The following UBE2R2 variants were observed in gnomAD, a reference collection of about 807,000 sequenced individuals.
UBE2R2 encodes the protein ubiquitin-conjugating enzyme E2 R2.
Under a neutral mutation model 27.8 loss-of-function variants are expected in UBE2R2, and 1 was observed. The observed-to-expected ratio is 0.04, with a 90% CI of 0.01 to 0.17. The LOEUF (loss-of-function observed/expected upper bound fraction) is 0.17, where lower values mean the gene tolerates loss of function less well. Ranked by LOEUF, UBE2R2 falls within the 10% of genes least tolerant of loss-of-function variation. The probability of loss-of-function intolerance (pLI) is 1.00; values close to 1 mark genes in which losing one functional copy is unlikely to be tolerated. For synonymous variants in UBE2R2, 106 were observed against 113.3 expected, an observed-to-expected ratio of 0.94 and a Z score of 0.41; for missense variants, 100 against 291.0, an observed-to-expected ratio of 0.34 and a Z score of 4.78.
At chr9:33,824,261 G>A (rs1004347451) in intron 1 of UBE2R2, among the ~76,000 whole-genome samples, 1 of 152,066 alleles carries the variant, frequency 6.6e-6, no homozygotes. Flanking sequence ...GGAGGCCGAG[G>A]CGGGTGGATC....
rs148011413 is a variant in UBE2R2 at position 33,908,137 on chromosome 9, TAAATTC to T, written c.363-3818_363-3813del. Among the ~76,000 whole-genome samples, 541 of 152,338 alleles carry T rather than the reference TAAATTC, an allele frequency of 3.6e-3. 1 individual carries two copies. Among genetic ancestry groups the T allele is most frequent in the African/African-American group, 0.012 (505 of 41,574 alleles). The stretch of plus-strand genomic sequence containing the variant: ...ACCGCACCCCGCCTGAAATAGTTCT[TAAATTC>T]AAATTCAATTTTGTGTATTCCAACA... On this transcript the variant is annotated intron_variant, in intron 3 of 4. Transcript: ENST00000263228.
chr9:33,837,420 C>CTTTT (rs374681097), intron 1 of UBE2R2, among the ~76,000 whole-genome samples: 1 of 126,662 alleles, frequency 7.9e-6, no homozygotes, highest in Non-Finnish European at 1.6e-5. Context: ...GCTGCTGCTT[C>CTTTT]TTTTTTTTTT....
chr9:33,871,766 A>G (rs1443093631), intron 1 of UBE2R2, among the ~76,000 whole-genome samples: 2 of 152,164 alleles, frequency 1.3e-5, no homozygotes, highest in African/African-American at 4.8e-5. Flanking sequence ...GCTGGAGTAC[A>G]GTGGCGTGAT....
At chr9:33,848,547 A>G (rs1446312927) in intron 1 of UBE2R2, among the ~76,000 whole-genome samples, 2 of 152,164 alleles carry the variant, frequency 1.3e-5, no homozygotes, top group Non-Finnish European at 2.9e-5. Context: ...CTCAGTTTCA[A>G]AAGACTACAG....
chr9:33,830,634 G>A (rs1050620387), intron 1 of UBE2R2, among the ~76,000 whole-genome samples: 1 of 151,692 alleles, frequency 6.6e-6, no homozygotes, highest in Non-Finnish European at 1.5e-5. Flanking sequence ...CTGTCGTGGT[G>A]TTGTGCGCCT....
chr9:33,835,250 G>T (rs971116073), intron 1 of UBE2R2, among the ~76,000 whole-genome samples: 3 of 147,828 alleles, frequency 2.0e-5, no homozygotes, highest in Non-Finnish European at 4.5e-5. Flanking sequence ...AGGTTCAAGT[G>T]ATTCTCTTGT....
chr9:33,864,812 C>T (rs1471081469), intron 1 of UBE2R2, among the ~76,000 whole-genome samples: 2 of 151,630 alleles, frequency 1.3e-5, no homozygotes, highest in Non-Finnish European at 2.9e-5. Flanking sequence ...GCAACCTCCG[C>T]CTCCTGGGTT....
Position 33,920,156 on chromosome 9 carries a change from A to G in UBE2R2, c.*2919A>G, listed in dbSNP as rs1351524840. ...CCCTCCCATCCTGATAAAACAAACA[A>G]GGTTTACATTTACAACTAAAAGGAT... On this transcript the variant is annotated 3_prime_UTR_variant, in exon 5 of 5. Coordinates refer to ENST00000263228, the MANE Select transcript of UBE2R2 (RefSeq NM_017811.4). 1 of 152,262 alleles carries G rather than the reference A, an allele frequency of 6.6e-6. No individual in the cohort carries two copies. The allele number at this position is 152,262 out of a possible 1,614,324, so 9.4% of individuals were successfully genotyped here. A position where few individuals can be genotyped will look rare whatever the true frequency, so the allele number is the denominator to read the frequency against.
intron 1 of UBE2R2, among the ~76,000 whole-genome samples, chr9:33,827,980 AT>A (rs1293309299): frequency 2.6e-5 from 4 of 151,480 alleles, no homozygotes; most frequent in African/African-American, 9.7e-5. Flanking sequence ...CAAAAAAAAA[AT>A]AAATACAAAT....
intron 1 of UBE2R2, among the ~76,000 whole-genome samples, chr9:33,834,970 A>C (rs1820584675): frequency 6.6e-6 from 1 of 151,966 alleles, no homozygotes; most frequent in South Asian, 2.1e-4. Flanking sequence ...CAAATAGAAA[A>C]AGAGAGAAAT....
chr9:33,886,811 A>T, intron 1 of UBE2R2, 70 bp from the exon 2 acceptor site: 1 of 1,283,910 alleles, frequency 7.8e-7, no homozygotes, highest in Non-Finnish European at 1.1e-6. Context: ...GGCGTGTAGT[A>T]GGGTGAATTA....
intron 1 of UBE2R2, among the ~76,000 whole-genome samples, chr9:33,869,977 G>A (rs1315298068): frequency 6.6e-6 from 1 of 151,906 alleles, no homozygotes; most frequent in Non-Finnish European, 1.5e-5. Flanking sequence ...CTCCTGAGTA[G>A]CTGGGATTAC....
At chr9:33,888,101 T>A (rs977380100) in intron 2 of UBE2R2, among the ~76,000 whole-genome samples, 9 of 152,234 alleles carry the variant, frequency 5.9e-5, no homozygotes, top group Non-Finnish European at 1.3e-4. Context: ...TTTCTATTTT[T>A]AAAAATTTGT....
chr9:33,895,249 G>C (rs961034674), intron 2 of UBE2R2, among the ~76,000 whole-genome samples: 1 of 152,162 alleles, frequency 6.6e-6, no homozygotes, highest in Non-Finnish European at 1.5e-5. Flanking sequence ...TAGGAGTTCA[G>C]TTGCATTTTT....
At chr9:33,818,064 C>T (rs1227068953) in intron 1 of UBE2R2, 130 bp downstream of exon 1, 2 of 1,063,382 alleles carry the variant, frequency 1.9e-6, no homozygotes, top group Non-Finnish European at 2.6e-6. Context: ...CGTGCAGCCC[C>T]CTCCCCCATC....
At chr9:33,904,712 G>A (rs191732946) in intron 3 of UBE2R2, among the ~76,000 whole-genome samples, 2 of 152,276 alleles carry the variant, frequency 1.3e-5, no homozygotes, top group African/African-American at 4.8e-5. Flanking sequence ...TTCACTAAAG[G>A]CTCGGTAGCT....
At chr9:33,829,643 A>G (rs1799000051) in intron 1 of UBE2R2, among the ~76,000 whole-genome samples, 1 of 152,202 alleles carries the variant, frequency 6.6e-6, no homozygotes, top group Admixed American at 6.5e-5. Flanking sequence ...TTATGCTTTT[A>G]AAATAATAAT....
At chr9:33,900,982 G>C (rs1437617757) in intron 3 of UBE2R2, among the ~76,000 whole-genome samples, 2 of 152,102 alleles carry the variant, frequency 1.3e-5, no homozygotes, top group African/African-American at 4.8e-5. Flanking sequence ...CTTTGAGACA[G>C]TGTCTTCCCG....
chr9:33,879,627 A>G (rs1477401402), intron 1 of UBE2R2, among the ~76,000 whole-genome samples: 1 of 150,532 alleles, frequency 6.6e-6, no homozygotes, highest in Admixed American at 6.7e-5. Flanking sequence ...GAATTTTTGT[A>G]TTTTTTGTAG....
Sources: gnomAD v4.1 joint callset for allele counts (sites outside exome capture counted in the v4.1 genomes callset) on GRCh38, gnomAD v4.1.1 for gene constraint, MANE v1.5 for transcripts, NCBI Gene and HGNC (gene_info 2026-07-23, HGNC 2026-07-21) for gene names.